The following KIAA1217 variants were observed in gnomAD, a reference collection of about 807,000 sequenced individuals.
KIAA1217 encodes sickle tail protein homolog.
A neutral mutation model predicts 163.9 loss-of-function variants in KIAA1217; 88 were observed. The ratio of observed to expected loss-of-function variants is 0.54; its 90% CI spans 0.45 to 0.64. KIAA1217 has a LOEUF of 0.64. Ranked by LOEUF, KIAA1217 falls within the 30% of genes least tolerant of loss-of-function variation. The pLI, the probability that KIAA1217 is intolerant of heterozygous loss-of-function variation, is 0.00. For synonymous variants in KIAA1217, 903 were observed against 923.1 expected (o/e 0.98, Z 0.39); for missense variants, 2,372 against 2,475.0 (o/e 0.96, Z 0.88).
At chr10:24,390,475 G>GGGAGGGAGGGAAGGAA (rs1554843363) in intron 3 of KIAA1217, among the ~76,000 whole-genome samples, 2 of 107,206 alleles carry the variant, frequency 1.9e-5, no homozygotes, top group African/African-American at 8.1e-5. Flanking sequence ...GAGGGAGGGA[G>GGGAGGGAGGGAAGGAA]GGAAGGAAGG....
upstream of KIAA1217, among the ~76,000 whole-genome samples, chr10:24,207,154 C>T (rs2067595958): frequency 6.6e-6 from 1 of 152,066 alleles, no homozygotes; most frequent in Non-Finnish European, 1.5e-5. Context: ...CACCAAATGA[C>T]AGGTAGGAGC....
intron 1 of KIAA1217, among the ~76,000 whole-genome samples, chr10:23,703,472 G>A (rs1836627558): frequency 6.6e-6 from 1 of 152,096 alleles, no homozygotes; most frequent in African/African-American, 2.4e-5. Flanking sequence ...CAAGATTTTC[G>A]GAAGGTTTTT....
intron 1 of KIAA1217, among the ~76,000 whole-genome samples, chr10:23,774,011 T>C (rs1349677630): frequency 6.6e-6 from 1 of 152,156 alleles, no homozygotes; most frequent in African/African-American, 2.4e-5. Context: ...ATAGGAGTGG[T>C]GAGGGAGGGC....
intron 2 of KIAA1217, among the ~76,000 whole-genome samples, chr10:24,101,210 A>T (rs2062401223): frequency 6.6e-6 from 1 of 152,232 alleles, no homozygotes; most frequent in African/African-American, 2.4e-5. Flanking sequence ...TCCTGTGTTA[A>T]CAGCATACAT....
chr10:24,162,043 A>T (rs1177520810), intron 2 of KIAA1217, among the ~76,000 whole-genome samples: 2 of 152,214 alleles, frequency 1.3e-5, no homozygotes, highest in Non-Finnish European at 2.9e-5. Context: ...TGCTTTCTAG[A>T]CCCAAAGCAC....
chr10:24,185,292 C>T (rs973997420), intron 2 of KIAA1217, among the ~76,000 whole-genome samples: 3 of 152,170 alleles, frequency 2.0e-5, no homozygotes, highest in Non-Finnish European at 4.4e-5. Flanking sequence ...ACAAGGACAC[C>T]ACTCAGTTCC....
Position 24,438,435 on chromosome 10 carries a change from C to G in KIAA1217, c.802C>G (p.His268Asp), listed in dbSNP as rs1309822311. The stretch of plus-strand genomic sequence containing the variant: ...CAAAGTGTACAACAAGGATCCTGCA[C>G]ATGCGTTTAATCACACACCAAAAAC... ...LLKVYNKDPA[H>D]AFNHTPKTMN... Residue 268 changes from histidine (H) to aspartate (D), a missense_variant, in exon 5 of 21, where the codon CAT becomes GAT. This residue lies in a region of KIAA1217 where 1,431 missense variants were observed against 1,470.3 expected (regional missense o/e 0.97). Transcript: ENST00000376454. 1 of 1,613,592 alleles carries G rather than the reference C, an allele frequency of 6.2e-7. No homozygotes were observed. Among genetic ancestry groups the G allele is most frequent in the South Asian group, 1.1e-5 (1 of 91,076 alleles).
chr10:24,403,480 C>T (rs2056820418), intron 3 of KIAA1217, among the ~76,000 whole-genome samples: 1 of 152,124 alleles, frequency 6.6e-6, no homozygotes, highest in African/African-American at 2.4e-5. Context: ...CTCAAGTGAT[C>T]CTCCCGCCTC....
intron 2 of KIAA1217, among the ~76,000 whole-genome samples, chr10:24,342,598 A>C (rs2047223070): frequency 6.6e-6 from 1 of 151,654 alleles, no homozygotes; most frequent in Admixed American, 6.6e-5. Flanking sequence ...TCGCTTCTCC[A>C]CTTAGTGATG....
chr10:23,745,458 A>T (rs866325629), intron 1 of KIAA1217, among the ~76,000 whole-genome samples: 1 of 152,126 alleles, frequency 6.6e-6, no homozygotes, highest in African/African-American at 2.4e-5. Flanking sequence ...ATCTTTGGAA[A>T]TTGGTCGTAA....
chr10:24,269,210 TAAAAA>T lies in KIAA1217; in HGVS notation c.354+49320_354+49324del, dbSNP rs59746609. Among the ~76,000 whole-genome samples the T allele has an allele frequency of 5.7e-5, 5 of 87,072 alleles. No individual in the cohort carries two copies. In the South Asian group the frequency reaches 1.4e-3, roughly 25 times the overall value. 57.1% of individuals were successfully genotyped at this position (87,072 alleles called of 152,430 possible). A position where few individuals can be genotyped will look rare whatever the true frequency, so the allele number is the denominator to read the frequency against. On this transcript the variant is annotated intron_variant, in intron 2 of 20. Transcript: ENST00000376454. ...TGTACCCTAAAAGTTAAAGTATAATTAAAAAAAAAAAAAAAAAAAAAAAGGATTGT... is the reference window on the plus strand; with the variant it reads ...TGTACCCTAAAAGTTAAAGTATAATTAAAAAAAAAAAAAAAAAAGGATTGT...
chr10:23,775,333 C>T lies in KIAA1217; in HGVS notation c.-321+80099C>T, dbSNP rs555362741. Reference sequence around the variant, plus strand: ...AAATGGGAAGTCAGAACAGCAGGACCCATAGGAGGAACGGAGATGGGCATA... The same window carrying T: ...AAATGGGAAGTCAGAACAGCAGGACTCATAGGAGGAACGGAGATGGGCATA... On this transcript the variant is annotated intron_variant, in intron 1 of 18. Coordinates refer to the KIAA1217 transcript ENST00000376462. Among the ~76,000 whole-genome samples, 4 of 152,154 alleles carry T rather than the reference C, an allele frequency of 2.6e-5. No homozygotes were observed. In the East Asian group the frequency reaches 7.7e-4, roughly 29 times the overall value.
intron 2 of KIAA1217, among the ~76,000 whole-genome samples, chr10:24,222,903 C>A (rs1282653509): frequency 6.6e-6 from 1 of 152,154 alleles, no homozygotes; most frequent in East Asian, 1.9e-4. Context: ...ATGGTTATTT[C>A]TTGATGATAT....
At chr10:24,095,906 G>C (rs1301803084) in intron 2 of KIAA1217, among the ~76,000 whole-genome samples, 2 of 152,168 alleles carry the variant, frequency 1.3e-5, no homozygotes, top group South Asian at 4.2e-4. Flanking sequence ...AGGAATTTGA[G>C]GCCAGGCTGA....
At chr10:24,485,510 C>T (rs909749529) in intron 6 of KIAA1217, among the ~76,000 whole-genome samples, 1 of 152,184 alleles carries the variant, frequency 6.6e-6, no homozygotes, top group Non-Finnish European at 1.5e-5. Context: ...TCAGGGAGGC[C>T]TTTCCTGGCC....
chr10:24,221,275 G>A (rs551399238), intron 2 of KIAA1217, among the ~76,000 whole-genome samples: 3 of 151,220 alleles, frequency 2.0e-5, no homozygotes, highest in Non-Finnish European at 4.4e-5. Flanking sequence ...CTCCTCTACC[G>A]ACCTCACTGG....
chr10:24,425,510 T>C (rs557885851), intron 3 of KIAA1217, among the ~76,000 whole-genome samples: 13 of 152,366 alleles, frequency 8.5e-5, no homozygotes, highest in African/African-American at 3.1e-4. Flanking sequence ...TCTAGTTCCT[T>C]TCTGTTTTAT....
At chr10:23,910,296 A>T (rs1405706861) in intron 1 of KIAA1217, among the ~76,000 whole-genome samples, 4 of 142,792 alleles carry the variant, frequency 2.8e-5, no homozygotes, top group Admixed American at 2.0e-4. Context: ...CTTAAAGTAT[A>T]AAAAAAAAAG....
At chr10:24,144,274 T>C (rs954222491) in intron 2 of KIAA1217, among the ~76,000 whole-genome samples, 2 of 152,216 alleles carry the variant, frequency 1.3e-5, no homozygotes, top group African/African-American at 4.8e-5. Flanking sequence ...AAGCTTTTCA[T>C]TGATTAACAT....
Sources: gnomAD v4.1 joint callset for allele counts (sites outside exome capture counted in the v4.1 genomes callset) on GRCh38, gnomAD v4.1.1 for gene constraint, gnomAD v4.1.1 regional missense constraint, MANE v1.5 for transcripts, NCBI Gene and HGNC (gene_info 2026-07-23, HGNC 2026-07-21) for gene names.